The following SAT2 variants were observed in gnomAD, a reference collection of about 807,000 sequenced individuals.
SAT2 encodes the protein spermidine/spermine N1-acetyltransferase family member 2.
Under a neutral mutation model 24.8 loss-of-function variants are expected in SAT2, and 19 were observed. The observed-to-expected ratio is 0.77, with a 90% CI of 0.53 to 1.12. The LOEUF (loss-of-function observed/expected upper bound fraction) is 1.12. SAT2 is among the 50% of genes most tolerant of loss of function. The pLI, the probability that SAT2 is intolerant of heterozygous loss-of-function variation, is 0.00. For missense variants in SAT2, 190 were observed against 210.7 expected, an observed-to-expected ratio of 0.90 and a Z score of 0.61; for synonymous variants, 77 against 77.4, an observed-to-expected ratio of 0.99 and a Z score of 0.03.
Position 7,626,440 on chromosome 17 carries a change from G to T in SAT2, c.*7C>A, listed in dbSNP as rs746634611. The T allele has an allele frequency of 5.5e-5, 89 of 1,613,734 alleles. 1 individual carries two copies. The South Asian group carries it at 9.8e-4, about 18-fold the overall frequency. On this transcript the variant is annotated 3_prime_UTR_variant, in exon 6 of 6. Coordinates refer to ENST00000269298, the MANE Select transcript of SAT2 (RefSeq NM_133491.5). ...AACTCAAGACAGAGATCCTCCTAGG[G>T]ATGGCGTCACTTTCCTGCCAACTTT... is the stretch of plus-strand genomic sequence containing the variant.
chr17:7,626,753 C>T lies in SAT2; in HGVS notation c.345G>A (p.Glu115=). The change falls in exon 5 of 6, where the codon GAG becomes GAA. Residue 115 remains glutamate (E), a splice_region_variant and synonymous_variant. Coordinates refer to ENST00000269298, the MANE Select transcript of SAT2 (RefSeq NM_133491.5). ...IGSKIIKKVA[E]VALDKGCSQF... ...CTTGTCGCCCCACCCATCTCCTCAC[C>T]TCAGCCACCTTTTTGATTATTTTGG... 1.9e-6 allele frequency: 3 copies of T among 1,614,188 alleles called. 1 individual carries two copies. Among genetic ancestry groups the T allele is most frequent in the Middle Eastern group, 3.3e-4 (2 of 6,062 alleles).
rs1342169851 is a variant in SAT2 at position 7,626,990 on chromosome 17, C to A, written c.257G>T (p.Gly86Val). The A allele has an allele frequency of 6.2e-7, 1 of 1,613,978 alleles. No homozygotes were observed. Among genetic ancestry groups the A allele is most frequent in the South Asian group, 1.1e-5 (1 of 91,074 alleles). ...IYYFIYSTWKGRTIYLEDIYV... is the reference protein window; with the variant it reads ...IYYFIYSTWKVRTIYLEDIYV... ...GATATCCTCCAGATAAATGGTGCGT[C>A]CCTTCCATGTACTGTAGATGAAATA... Residue 86 changes from glycine to valine, a missense_variant, in exon 4 of 6, where the codon GGA becomes GTA. Transcript: ENST00000269298.
At chr17:7,627,841 C>T (rs1483515642), upstream of SAT2, 1 of 664,164 alleles carries the variant, frequency 1.5e-6, no homozygotes, top group Non-Finnish European at 2.8e-6. This position sits in a 1 kb window ranked among gnomAD's most constrained non-coding sequence, Gnocchi z 4.8. Flanking sequence ...GCGAGGCGAT[C>T]CTCTGTCCGG....
rs775190345 is a variant in SAT2, at chr17:7,626,617, G to A, written c.346-3C>T. ...GAGCAGCCCTTATCCAAGGCCACCTGTGGGAGAAGACAACACTAACTTTTC... is the reference window on the plus strand; with the variant it reads ...GAGCAGCCCTTATCCAAGGCCACCTATGGGAGAAGACAACACTAACTTTTC... On this transcript the variant is annotated splice_region_variant and splice_polypyrimidine_tract_variant and intron_variant, in intron 5 of 5. Transcript: ENST00000269298. 7.4e-6 allele frequency: 12 copies of A among 1,612,072 alleles called. No individual in the cohort carries two copies. Among genetic ancestry groups the A allele is most frequent in the Admixed American group, 5.0e-5 (3 of 59,528 alleles).
Position 7,627,050 on chromosome 17 carries a change from A to G in SAT2, c.203-6T>C, listed in dbSNP as rs943195605. On this transcript the variant is annotated splice_region_variant and splice_polypyrimidine_tract_variant and intron_variant, in intron 3 of 5. Coordinates refer to ENST00000269298, the MANE Select transcript of SAT2 (RefSeq NM_133491.5). The surrounding 1 kb of genome is among the most constrained non-coding windows in gnomAD (Gnocchi z 4.8). ...ATAGCCCACCACGCAGGGCCCTGAG[A>G]GAGAGAAAAGGGGAGTAAGGCTTCT... 1 of 1,613,610 alleles carries G rather than the reference A, an allele frequency of 6.2e-7. No homozygotes were observed. The highest frequency in any genetic ancestry group is 8.5e-7 in the Non-Finnish European group (1 of 1,179,722).
rs375998411 is a variant in SAT2 at position 7,627,153 on chromosome 17, C to T, written c.192G>A (p.Gly64=). The T allele has an allele frequency of 1.1e-5, 17 of 1,613,978 alleles. No individual in the cohort carries two copies. The highest frequency in any genetic ancestry group is 1.4e-5 in the Non-Finnish European group (17 of 1,180,034). The change falls in exon 3 of 6, where the codon GGG becomes GGA. Residue 64 remains glycine (G), a synonymous_variant. Coordinates refer to ENST00000269298, the MANE Select transcript of SAT2 (RefSeq NM_133491.5). This position sits in a 1 kb window ranked among gnomAD's most constrained non-coding sequence, Gnocchi z 4.8. Reference sequence around the variant, plus strand: ...GCCAGGTGCTCTTACCCAGTAGCTTCCCGGGCGCTGGAAGAATCTCTGCTA... The same window carrying T: ...GCCAGGTGCTCTTACCCAGTAGCTTTCCGGGCGCTGGAAGAATCTCTGCTA... ...CLVAEILPAP[G]KLLGPCVVGY... is the part of the protein sequence containing the mutation.
chr17:7,626,256 A>AT lies in SAT2; in HGVS notation c.*190dup, dbSNP rs1185317570. On this transcript the variant is annotated 3_prime_UTR_variant, in exon 6 of 6. Coordinates refer to ENST00000269298, the MANE Select transcript of SAT2 (RefSeq NM_133491.5). Reference sequence around the variant, plus strand: ...ACATCAGGACATGTAATTCTTATTTATTTTTCACCCTCAACAAGGAAGAAA... The same window carrying AT: ...ACATCAGGACATGTAATTCTTATTTATTTTTTCACCCTCAACAAGGAAGAAA... 58 of 594,388 alleles carry AT rather than the reference A, an allele frequency of 9.8e-5. No homozygotes were observed. The highest frequency in any genetic ancestry group is 7.7e-4 in the African/African-American group (41 of 53,240). 36.8% of individuals were successfully genotyped at this position (594,388 alleles called of 1,614,324 possible).
rs540060129 is a variant in SAT2, at chr17:7,627,519, C to T, written c.66+51G>A. 4.0e-5 allele frequency: 64 copies of T among 1,601,222 alleles called. 1 individual carries two copies. In the South Asian group the frequency reaches 6.7e-4, roughly 17 times the overall value. On this transcript the variant is annotated intron_variant, in intron 1 of 5. Coordinates refer to ENST00000269298, the MANE Select transcript of SAT2 (RefSeq NM_133491.5). The surrounding 1 kb of genome is among the most constrained non-coding windows in gnomAD (Gnocchi z 4.8). ...CCCCTGCCCCCGCCTCCTACGACCC[C>T]GCTCTGGCCGCGCCACTCTGACCCC...
rs1329126062 is a variant in SAT2, at chr17:7,627,819, G to A, written c.-184C>T. On this transcript the variant is annotated 5_prime_UTR_variant, in exon 1 of 6. Transcript: ENST00000269298. The surrounding 1 kb of genome is among the most constrained non-coding windows in gnomAD (Gnocchi z 4.8). Reference sequence around the variant, plus strand: ...GGGATTCCGGCGCCGTACGGGAGGAGAGAGTAGGCCAGCGAGGCGATCCTC... The same window carrying A: ...GGGATTCCGGCGCCGTACGGGAGGAAAGAGTAGGCCAGCGAGGCGATCCTC... The A allele has an allele frequency of 1.4e-6, 1 of 704,770 alleles. No homozygotes were observed. Among genetic ancestry groups the A allele is most frequent in the South Asian group, 1.6e-5 (1 of 62,822 alleles). 43.7% of individuals were successfully genotyped at this position (704,770 alleles called of 1,614,324 possible).
chr17:7,627,583 A>G lies in SAT2; in HGVS notation c.53T>C (p.Leu18Pro). 2 of 1,611,274 alleles carry G rather than the reference A, an allele frequency of 1.2e-6. No homozygotes were observed. The highest frequency in any genetic ancestry group is 1.7e-6 in the Non-Finnish European group (2 of 1,178,564). The change falls in exon 1 of 6, where the codon CTG becomes CCG. Residue 18 changes from leucine to proline, a missense_variant. Transcript: ENST00000269298. The surrounding 1 kb of genome is among the most constrained non-coding windows in gnomAD (Gnocchi z 4.8). ...EAKEGDCGDI[L>P]RLIRELAEFE... ...TGCAGTCTTCACCCGAATCAGCCTC[A>G]GGATATCTCCACAGTCTCCCTCCTT... is the stretch of plus-strand genomic sequence containing the variant.
rs1286287407 is a variant in SAT2, at chr17:7,627,005, T to C, written c.242A>G (p.Tyr81Cys). The C allele has an allele frequency of 4.3e-6, 7 of 1,613,828 alleles. No individual in the cohort carries two copies. The highest frequency in any genetic ancestry group is 5.9e-6 in the Non-Finnish European group (7 of 1,179,944). ...AATGGTGCGTCCCTTCCATGTACTG[T>C]AGATGAAATAGTATATCCCATAGCC... is the stretch of plus-strand genomic sequence containing the variant. ...VVGYGIYYFI[Y>C]STWKGRTIYL... Residue 81 changes from tyrosine to cysteine, a missense_variant, in exon 4 of 6, where the codon TAC becomes TGC. Physicochemically the swap from Tyr to Cys is radical, Grantham distance 194. Coordinates refer to ENST00000269298, the MANE Select transcript of SAT2 (RefSeq NM_133491.5). The surrounding 1 kb of genome is among the most constrained non-coding windows in gnomAD (Gnocchi z 4.8).
In SAT2 at chr17:7,627,492, T is replaced by TC. The variant is rs1678597793; in HGVS notation, c.66+77dup. 2 of 1,326,020 alleles carry TC rather than the reference T, an allele frequency of 1.5e-6. No individual in the cohort carries two copies. Among genetic ancestry groups the TC allele is most frequent in the Admixed American group, 3.4e-5 (2 of 58,162 alleles). The allele number at this position is 1,326,020 out of a possible 1,614,324, so 82.1% of individuals were successfully genotyped here. On this transcript the variant is annotated intron_variant, in intron 1 of 5. Transcript: ENST00000269298. The surrounding 1 kb of genome is among the most constrained non-coding windows in gnomAD (Gnocchi z 4.8). ...CGAGCAGGTTCCCAAGGCGAGCCCCTCCCCCTGCCCCCGCCTCCTACGACC... is the reference window on the plus strand; with the variant it reads ...CGAGCAGGTTCCCAAGGCGAGCCCCTCCCCCCTGCCCCCGCCTCCTACGACC...
At position 7,627,596 on chromosome 17, in the gene SAT2, A is replaced by G; in HGVS notation, c.40T>C (p.Cys14Arg). ...VRIREAKEGD[C>R]GDILRLIREL... Reference sequence around the variant, plus strand: ...CGAATCAGCCTCAGGATATCTCCACAGTCTCCCTCCTTGGCCTCTCGGATC... The same window carrying G: ...CGAATCAGCCTCAGGATATCTCCACGGTCTCCCTCCTTGGCCTCTCGGATC... The change falls in exon 1 of 6, where the codon TGT becomes CGT. Residue 14 changes from cysteine to arginine, a missense_variant. Coordinates refer to ENST00000269298, the MANE Select transcript of SAT2 (RefSeq NM_133491.5). This position sits in a 1 kb window ranked among gnomAD's most constrained non-coding sequence, Gnocchi z 4.8. 6.2e-7 allele frequency: 1 copy of G among 1,612,250 alleles called. No homozygotes were observed. The highest frequency in any genetic ancestry group is 8.5e-7 in the Non-Finnish European group (1 of 1,179,168).
Position 7,627,481 on chromosome 17 carries a change from A to G in SAT2, c.67-67T>C. 3.1e-6 allele frequency: 5 copies of G among 1,606,828 alleles called. No homozygotes were observed. Among genetic ancestry groups the G allele is most frequent in the Non-Finnish European group, 4.3e-6 (5 of 1,174,048 alleles). On this transcript the variant is annotated intron_variant, in intron 1 of 5. Coordinates refer to ENST00000269298, the MANE Select transcript of SAT2 (RefSeq NM_133491.5). This position sits in a 1 kb window ranked among gnomAD's most constrained non-coding sequence, Gnocchi z 4.8. ...CCGCTGCTCCCCGAGCAGGTTCCCA[A>G]GGCGAGCCCCTCCCCCTGCCCCCGC...
Position 7,627,555 on chromosome 17 carries a change from G to T in SAT2, c.66+15C>A. The T allele has an allele frequency of 6.2e-7, 1 of 1,608,042 alleles. No homozygotes were observed. On this transcript the variant is annotated intron_variant, in intron 1 of 5. Transcript: ENST00000269298. The surrounding 1 kb of genome is among the most constrained non-coding windows in gnomAD (Gnocchi z 4.8). ...CGCCACTCTGACCCCCGGGTTACCG[G>T]CCTGCAGTCTTCACCCGAATCAGCC...
chr17:7,626,685 C>G, intron 5 of SAT2, 68 bp downstream of exon 5: 1 of 1,612,500 alleles, frequency 6.2e-7, no homozygotes. Context: ...CCTCTTTCAA[C>G]CCGGGTCCCC....
rs1393548831 is a variant in SAT2, at chr17:7,626,375, C to A, written c.*72G>T. On this transcript the variant is annotated 3_prime_UTR_variant, in exon 6 of 6. Coordinates refer to ENST00000269298, the MANE Select transcript of SAT2 (RefSeq NM_133491.5). The stretch of plus-strand genomic sequence containing the variant: ...AGGCCTCAGCATCAGTGTCTGTGGA[C>A]GTAGTCTCTGAAGAGTGCTTCAGCT... 1 of 1,550,074 alleles carries A rather than the reference C, an allele frequency of 6.5e-7. No individual in the cohort carries two copies. Among genetic ancestry groups the A allele is most frequent in the East Asian group, 2.2e-5 (1 of 44,614 alleles).
At chr17:7,627,849 C>T, upstream of SAT2, 1 of 654,764 alleles carries the variant, frequency 1.5e-6, no homozygotes, top group Non-Finnish European at 2.8e-6. The surrounding 1 kb of genome is among the most constrained non-coding windows in gnomAD (Gnocchi z 4.8). Context: ...ATCCTCTGTC[C>T]GGGCATAGCC....
At position 7,626,733 on chromosome 17, in the gene SAT2, C is replaced by G; in HGVS notation, c.345+20G>C. On this transcript the variant is annotated intron_variant, in intron 5 of 5. Coordinates refer to ENST00000269298, the MANE Select transcript of SAT2 (RefSeq NM_133491.5). ...CTTGCTTCTTCAGGTCCTCACTTGT[C>G]GCCCCACCCATCTCCTCACCTCAGC... 6.2e-7 allele frequency: 1 copy of G among 1,614,036 alleles called. No homozygotes were observed. Among genetic ancestry groups the G allele is most frequent in the East Asian group, 2.2e-5 (1 of 44,880 alleles).
Sources: allele counts gnomAD v4.1 joint callset, GRCh38; gene constraint gnomAD v4.1.1; non-coding constraint Gnocchi (gnomAD v3.1); transcripts MANE v1.5; gene names NCBI Gene and HGNC (gene_info 2026-07-23, HGNC 2026-07-21).